Variants in LEF1 observed in about 807,000 individuals in gnomAD.
The protein encoded by LEF1 is lymphoid enhancer binding factor 1, also known as lymphoid enhancer-binding factor 1.
Under a neutral mutation model 51.2 loss-of-function variants are expected in LEF1, and 14 were observed. That is an observed-to-expected ratio of 0.27 (90% CI 0.18 to 0.43). LEF1 has a LOEUF of 0.43. Among genes scored for constraint, LEF1 ranks in the 20% least tolerant of loss-of-function variants. The pLI, the probability that LEF1 is intolerant of heterozygous loss-of-function variation, is 1.00. For synonymous variants in LEF1, 185 were observed against 183.2 expected (o/e 1.01, Z -0.08); for missense variants, 386 against 512.0 (o/e 0.75, Z 2.37).
intron 8 of LEF1, among the ~76,000 whole-genome samples, chr4:108,072,460 C>T (rs190441559): frequency 3.0e-4 from 46 of 152,324 alleles, no homozygotes; most frequent in African/African-American, 1.0e-3. Flanking sequence ...TAACAGAGTC[C>T]GTTTCCTTTG....
intron 3 of LEF1, among the ~76,000 whole-genome samples, chr4:108,128,538 C>T (rs533635966): frequency 2.1e-4 from 31 of 150,580 alleles, no homozygotes; most frequent in African/African-American, 6.6e-4. Context: ...AAACTGATGA[C>T]TGAAGTTATG....
At chr4:108,088,983 A>G in intron 4 of LEF1, 142 bp downstream of exon 4, 1 of 888,296 alleles carries the variant, frequency 1.1e-6, no homozygotes, top group Non-Finnish European at 1.8e-6. Flanking sequence ...TTGCTATCAA[A>G]TGAATTACTC....
chr4:108,127,461 A>C (rs1431576845), intron 3 of LEF1, among the ~76,000 whole-genome samples: 1 of 152,232 alleles, frequency 6.6e-6, no homozygotes, highest in Non-Finnish European at 1.5e-5. Flanking sequence ...AACTGGAGAA[A>C]GAAGTGGCAA....
At chr4:108,134,239 T>C (rs1743097092) in intron 3 of LEF1, among the ~76,000 whole-genome samples, 1 of 152,202 alleles carries the variant, frequency 6.6e-6, no homozygotes, top group African/African-American at 2.4e-5. Flanking sequence ...GGACATATAT[T>C]ATTTTGTCCT....
intron 8 of LEF1, among the ~76,000 whole-genome samples, chr4:108,071,364 G>A (rs1738463882): frequency 6.6e-6 from 1 of 152,126 alleles, no homozygotes; most frequent in African/African-American, 2.4e-5. Flanking sequence ...GCTGTCTATA[G>A]GGACAACACT....
intron 3 of LEF1, among the ~76,000 whole-genome samples, chr4:108,117,266 A>G (rs1041174574): frequency 6.6e-6 from 1 of 152,116 alleles, no homozygotes; most frequent in African/African-American, 2.4e-5. Context: ...AAACCCTGAT[A>G]TTATTTTATA....
intron 5 of LEF1, 41 bp downstream of exon 5, chr4:108,083,315 G>A: frequency 7.8e-7 from 1 of 1,279,572 alleles, no homozygotes; most frequent in Non-Finnish European, 1.1e-6. Context: ...GGAGGAACAT[G>A]TGTTCAAATG....
intron 3 of LEF1, among the ~76,000 whole-genome samples, chr4:108,126,873 G>GTGTACTGATA (rs1742575315): frequency 7.5e-6 from 1 of 133,722 alleles, no homozygotes; most frequent in African/African-American, 3.7e-5. Flanking sequence ...ACTGATATGT[G>GTGTACTGATA]TGTGTGTGTG....
At chr4:108,051,598 G>T (rs1239008596) in intron 11 of LEF1, among the ~76,000 whole-genome samples, 1 of 152,150 alleles carries the variant, frequency 6.6e-6, no homozygotes, top group African/African-American at 2.4e-5. Flanking sequence ...CTGCTCTCCG[G>T]CTGCGGCTGG....
chr4:108,070,702 A>G lies in LEF1; in HGVS notation c.1077T>C (p.His359=). 1 of 1,614,056 alleles carries G rather than the reference A, an allele frequency of 6.2e-7. No homozygotes were observed. Among genetic ancestry groups the G allele is most frequent in the South Asian group, 1.1e-5 (1 of 91,070 alleles). Residue 359 remains histidine (H), a synonymous_variant, in exon 9 of 12, where the codon CAT becomes CAC. Transcript: ENST00000265165. Reference sequence around the variant, plus strand: ...CAGACCAGCCTGGATAAAGCTGCATATGTAGCTGTCTTTCTTTCCGTGCTA... The same window carrying G: ...CAGACCAGCCTGGATAAAGCTGCATGTGTAGCTGTCTTTCTTTCCGTGCTA... ...YELARKERQL[H]MQLYPGWSAR... is the part of the protein sequence containing the mutation.
At chr4:108,125,911 A>C (rs992099393) in intron 3 of LEF1, among the ~76,000 whole-genome samples, 1 of 152,244 alleles carries the variant, frequency 6.6e-6, no homozygotes, top group Non-Finnish European at 1.5e-5. Context: ...GTTACTAATC[A>C]TAACAGTGTT....
chr4:108,159,286 T>C (rs1287158051), intron 3 of LEF1, among the ~76,000 whole-genome samples: 4 of 152,216 alleles, frequency 2.6e-5, no homozygotes, highest in Non-Finnish European at 5.9e-5. Flanking sequence ...TGAGGAATTT[T>C]CCCACACATT....
At chr4:108,131,122 C>T (rs1028023287) in intron 3 of LEF1, among the ~76,000 whole-genome samples, 2 of 151,774 alleles carry the variant, frequency 1.3e-5, no homozygotes, top group African/African-American at 4.8e-5. Context: ...CTACAGGTGG[C>T]GCCACTACAT....
chr4:108,136,379 T>C (rs1188631419), intron 3 of LEF1, among the ~76,000 whole-genome samples: 1 of 152,174 alleles, frequency 6.6e-6, no homozygotes, highest in East Asian at 1.9e-4. Context: ...CCAAGTATTC[T>C]AAAATCAAAG....
intron 3 of LEF1, among the ~76,000 whole-genome samples, chr4:108,089,590 G>A (rs533526070): frequency 2.0e-5 from 3 of 152,148 alleles, no homozygotes; most frequent in East Asian, 1.9e-4. Flanking sequence ...TATTTCCTCA[G>A]GTTAAGTCAA....
At chr4:108,126,358 T>C (rs1742526865) in intron 3 of LEF1, among the ~76,000 whole-genome samples, 1 of 152,196 alleles carries the variant, frequency 6.6e-6, no homozygotes, top group Non-Finnish European at 1.5e-5. Context: ...CTTTGGTATG[T>C]ACATTAGGGT....
At chr4:108,073,154 G>A (rs1207924696) in intron 8 of LEF1, among the ~76,000 whole-genome samples, 1 of 152,208 alleles carries the variant, frequency 6.6e-6, no homozygotes, top group East Asian at 1.9e-4. Flanking sequence ...GGGAGGCTGA[G>A]GCACACAGAT....
At position 108,048,434 on chromosome 4, in the gene LEF1, A is replaced by G. The variant is rs4245927; in HGVS notation, c.*324T>C. The stretch of plus-strand genomic sequence containing the variant: ...GCTCTGGGAAGTGCACGCAGATATG[A>G]GGGGAGAAAAGCTGCTCAGCTGCCC... On this transcript the variant is annotated 3_prime_UTR_variant, in exon 12 of 12. Coordinates refer to ENST00000265165, the MANE Select transcript of LEF1 (RefSeq NM_016269.5). 0.81 allele frequency: 271,020 copies of G among 333,264 alleles called. 113,821 individuals carry two copies. Among genetic ancestry groups the G allele is most frequent in the East Asian group, 0.95 (20,273 of 21,334 alleles). The allele number at this position is 333,264 out of a possible 1,614,324, so 20.6% of individuals were successfully genotyped here. A position where few individuals can be genotyped will look rare whatever the true frequency, so the allele number is the denominator to read the frequency against.
chr4:108,110,183 T>C (rs1413700898), intron 3 of LEF1, among the ~76,000 whole-genome samples: 1 of 152,222 alleles, frequency 6.6e-6, no homozygotes, highest in African/African-American at 2.4e-5. Flanking sequence ...CTCCAAACAA[T>C]ACTTAACTGT....
Sources: allele counts gnomAD v4.1 joint callset (sites outside exome capture counted in the v4.1 genomes callset), GRCh38; gene constraint gnomAD v4.1.1; transcripts MANE v1.5; gene names NCBI Gene and HGNC (gene_info 2026-07-23, HGNC 2026-07-21).